The following NRP1 variants were observed in gnomAD, a reference collection of about 807,000 sequenced individuals.
NRP1 encodes the protein neuropilin 1.
A neutral mutation model predicts 106.7 loss-of-function variants in NRP1; 35 were observed. The observed-to-expected ratio is 0.33, with a 90% CI of 0.25 to 0.43. NRP1 has a LOEUF of 0.43. Among genes scored for constraint, NRP1 ranks in the 20% least tolerant of loss-of-function variants. The pLI is 1.00. For missense variants in NRP1, 1,024 were observed against 1,170.4 expected (o/e 0.87, Z 1.83); for synonymous variants, 437 against 417.9 (o/e 1.05, Z -0.56).
intron 7 of NRP1, among the ~76,000 whole-genome samples, chr10:33,225,126 C>T (rs561080228): frequency 6.6e-6 from 1 of 152,272 alleles, no homozygotes; most frequent in South Asian, 2.1e-4. Context: ...AACTTGCCTG[C>T]CCATAGCATT....
intron 3 of NRP1, among the ~76,000 whole-genome samples, chr10:33,265,679 G>A (rs1243431595): frequency 6.6e-6 from 1 of 152,152 alleles, no homozygotes. Flanking sequence ...AGTAAACCTG[G>A]TCTGCAGAGG....
At chr10:33,226,082 G>T in intron 7 of NRP1, 52 bp downstream of exon 7, 1 of 1,576,410 alleles carries the variant, frequency 6.3e-7, no homozygotes, top group Non-Finnish European at 8.7e-7. Context: ...AGTAAAAATT[G>T]ATCATCCATT....
chr10:33,234,590 A>G (rs999523899), intron 6 of NRP1, among the ~76,000 whole-genome samples: 1 of 152,172 alleles, frequency 6.6e-6, no homozygotes, highest in Non-Finnish European at 1.5e-5. Flanking sequence ...CTGTCGAAAA[A>G]CAAAATGGTA....
intron 13 of NRP1, among the ~76,000 whole-genome samples, chr10:33,190,109 A>C (rs1235266808): frequency 6.6e-6 from 1 of 152,224 alleles, no homozygotes; most frequent in South Asian, 2.1e-4. Flanking sequence ...TAACACATAA[A>C]GCACTGATAT....
chr10:33,232,537 A>G (rs1465318353), intron 6 of NRP1, among the ~76,000 whole-genome samples: 1 of 152,062 alleles, frequency 6.6e-6, no homozygotes, highest in Non-Finnish European at 1.5e-5. Context: ...TGTGTGTGTG[A>G]CAAACATAAA....
chr10:33,252,012 C>A (rs572439585), intron 6 of NRP1, among the ~76,000 whole-genome samples: 30 of 152,266 alleles, frequency 2.0e-4, no homozygotes, highest in African/African-American at 7.0e-4. Context: ...TTTTCCAAGA[C>A]CACCATGGCC....
chr10:33,207,759 A>AT, intron 9 of NRP1, 43 bp from the exon 10 acceptor site: 1 of 1,594,616 alleles, frequency 6.3e-7, no homozygotes, highest in Non-Finnish European at 8.5e-7. Flanking sequence ...AAAAAAAAAA[A>AT]CAGAGCTCCC....
chr10:33,315,048 A>G (rs527393024), intron 2 of NRP1, among the ~76,000 whole-genome samples: 8 of 152,350 alleles, frequency 5.3e-5, no homozygotes, highest in African/African-American at 1.9e-4. Flanking sequence ...ATTGTGACAC[A>G]AAGTCCCAAG....
At chr10:33,202,422 C>A in intron 11 of NRP1, 1 of 504,646 alleles carries the variant, frequency 2.0e-6, no homozygotes, top group Non-Finnish European at 3.3e-6. Flanking sequence ...TTACCAAATC[C>A]CAACTTAAAA....
rs149211451 is a variant in NRP1 at position 33,222,003 on chromosome 10, A to G, written c.1138-140T>C. 8.6e-3 allele frequency: 7,347 copies of G among 850,352 alleles called. 74 individuals carry two copies. Among genetic ancestry groups the G allele is most frequent in the Middle Eastern group, 0.037 (135 of 3,612 alleles). 52.7% of individuals were successfully genotyped at this position (850,352 alleles called of 1,614,324 possible). On this transcript the variant is annotated intron_variant, in intron 7 of 16. Transcript: ENST00000374867. ...GATGAGATGGCGTTAATAACTCGCC[A>G]TGTTAATTTTTTCAATTAGCAATCA...
chr10:33,323,949 C>T (rs1245331396), intron 2 of NRP1, among the ~76,000 whole-genome samples: 2 of 152,082 alleles, frequency 1.3e-5, no homozygotes, highest in East Asian at 3.9e-4. Flanking sequence ...GTGCCTGCTC[C>T]CTAAAGTGAA....
At chr10:33,222,696 T>C (rs1564397369) in intron 7 of NRP1, among the ~76,000 whole-genome samples, 1 of 152,078 alleles carries the variant, frequency 6.6e-6, no homozygotes, top group Non-Finnish European at 1.5e-5. Flanking sequence ...AATTTTTGTA[T>C]TTTTGGTAGA....
At chr10:33,252,072 G>C (rs1232417860) in intron 6 of NRP1, among the ~76,000 whole-genome samples, 1 of 152,164 alleles carries the variant, frequency 6.6e-6, no homozygotes, top group Non-Finnish European at 1.5e-5. Context: ...CTAGCGGGCA[G>C]ATATACAAGC....
chr10:33,257,350 T>C (rs796200507), intron 4 of NRP1, among the ~76,000 whole-genome samples: 1 of 152,160 alleles, frequency 6.6e-6, no homozygotes, highest in South Asian at 2.1e-4. Context: ...GTCAAATTAT[T>C]TGATGGCTGA....
chr10:33,237,484 C>T (rs1023376701), intron 6 of NRP1, among the ~76,000 whole-genome samples: 21 of 134,816 alleles, frequency 1.6e-4, no homozygotes, highest in South Asian at 1.4e-3. Context: ...CACACATGCG[C>T]GCGCACACAC....
At chr10:33,319,179 G>A (rs1166893642) in intron 2 of NRP1, among the ~76,000 whole-genome samples, 1 of 151,342 alleles carries the variant, frequency 6.6e-6, no homozygotes, top group Middle Eastern at 3.2e-3. Flanking sequence ...TAATTTTTTT[G>A]TATTTTTAGT....
intron 8 of NRP1, among the ~76,000 whole-genome samples, chr10:33,216,862 C>G (rs888130315): frequency 2.0e-5 from 3 of 152,194 alleles, no homozygotes; most frequent in Middle Eastern, 6.8e-3. Flanking sequence ...TCTTCATGCC[C>G]TGTTTTATAC....
intron 2 of NRP1, among the ~76,000 whole-genome samples, chr10:33,290,051 T>C (rs1262464659): frequency 2.6e-4 from 40 of 152,232 alleles, no homozygotes; most frequent in Non-Finnish European, 2.9e-5. Context: ...ATATGTAAAT[T>C]ACAGGTTTTG....
At chr10:33,253,323 G>A (rs1176833799) in intron 6 of NRP1, among the ~76,000 whole-genome samples, 2 of 152,144 alleles carry the variant, frequency 1.3e-5, no homozygotes, top group African/African-American at 4.8e-5. Context: ...GTCAGCGGTG[G>A]GGATGTGGGG....
Sources: allele counts gnomAD v4.1 joint callset (sites outside exome capture counted in the v4.1 genomes callset), GRCh38; gene constraint gnomAD v4.1.1; transcripts MANE v1.5; gene names NCBI Gene and HGNC (gene_info 2026-07-23, HGNC 2026-07-21).